Variants in RBFOX1 observed in about 807,000 individuals in gnomAD.
RBFOX1 encodes RNA binding protein fox-1 homolog 1.
Under a neutral mutation model 57.7 loss-of-function variants are expected in RBFOX1, and 8 were observed. The ratio of observed to expected loss-of-function variants is 0.14; its 90% CI spans 0.08 to 0.25. The LOEUF (loss-of-function observed/expected upper bound fraction) is 0.25, where lower values mean the gene tolerates loss of function less well. RBFOX1 is among the 10% of genes least tolerant of loss of function. The pLI, the probability that RBFOX1 is intolerant of heterozygous loss-of-function variation, is 1.00. For missense variants in RBFOX1, 611 were observed against 548.5 expected (o/e 1.11, Z -1.14); for synonymous variants, 326 against 222.4 (o/e 1.47, Z -4.15).
intron 4 of RBFOX1, among the ~76,000 whole-genome samples, chr16:7,123,817 A>G (rs139951843): frequency 1.0e-3 from 154 of 152,330 alleles, no homozygotes; most frequent in African/African-American, 3.5e-3. Context: ...AGAATTTGCA[A>G]TATAAGAAGA....
chr16:5,856,348 T>C (rs1328146141), intron 3 of RBFOX1, among the ~76,000 whole-genome samples: 24 of 136,418 alleles, frequency 1.8e-4, no homozygotes, highest in Non-Finnish European at 1.6e-5. Flanking sequence ...TATATATATA[T>C]ATATAATGTT....
intron 1 of RBFOX1, among the ~76,000 whole-genome samples, chr16:5,343,341 A>C (rs572778764): frequency 8.7e-5 from 12 of 137,554 alleles, no homozygotes; most frequent in Non-Finnish European, 1.7e-4. Context: ...TTGAGATGGA[A>C]TCTTACTCCA....
chr16:6,661,806 A>T (rs1326951681), intron 3 of RBFOX1, among the ~76,000 whole-genome samples: 2 of 152,344 alleles, frequency 1.3e-5, no homozygotes, highest in South Asian at 2.1e-4. Flanking sequence ...ATGTTGATTT[A>T]GCGGCGGGAT....
intron 1 of RBFOX1, chr16:5,270,826 A>G: frequency 2.3e-6 from 1 of 437,342 alleles, no homozygotes; most frequent in Non-Finnish European, 4.4e-6. Flanking sequence ...ATGCTGGAGA[A>G]CCCTTGGTTT....
At chr16:6,643,098 A>G (rs1025972184) in intron 2 of RBFOX1, among the ~76,000 whole-genome samples, 4 of 152,200 alleles carry the variant, frequency 2.6e-5, no homozygotes, top group Non-Finnish European at 5.9e-5. Context: ...TCCTCAAATG[A>G]TCACATTCCT....
At chr16:6,897,984 C>G (rs898241465) in intron 3 of RBFOX1, among the ~76,000 whole-genome samples, 4 of 152,110 alleles carry the variant, frequency 2.6e-5, no homozygotes, top group Admixed American at 6.5e-5. Flanking sequence ...AGGTCTGTAA[C>G]TCTGCTAAAC....
At chr16:6,124,834 C>G (rs1023944078) in intron 1 of RBFOX1, among the ~76,000 whole-genome samples, 11 of 152,104 alleles carry the variant, frequency 7.2e-5, no homozygotes, top group African/African-American at 2.4e-4. Context: ...GGCGCCAATT[C>G]AATTTTTTAA....
At chr16:6,443,272 A>G (rs2094422465) in intron 2 of RBFOX1, among the ~76,000 whole-genome samples, 1 of 152,006 alleles carries the variant, frequency 6.6e-6, no homozygotes, top group Admixed American at 6.6e-5. Context: ...TTCCTGTAGG[A>G]TTCCTGCGTG....
At chr16:5,383,984 A>G (rs1293388117) in intron 1 of RBFOX1, among the ~76,000 whole-genome samples, 1 of 152,276 alleles carries the variant, frequency 6.6e-6, no homozygotes, top group Admixed American at 6.5e-5. Context: ...TGCTGGCTTC[A>G]CTATCAGGAA....
intron 4 of RBFOX1, among the ~76,000 whole-genome samples, chr16:7,142,997 G>GGGTGGTTGAGAGTGCTTTA (rs2074171627): frequency 6.6e-6 from 1 of 151,610 alleles, no homozygotes; most frequent in Non-Finnish European, 1.5e-5. Context: ...AATTGGGACT[G>GGGTGGTTGAGAGTGCTTTA]GGTGGTTGAG....
Position 7,141,117 on chromosome 16 carries a change from A to G in RBFOX1, c.27+89019A>G, listed in dbSNP as rs200160897. On this transcript the variant is annotated intron_variant, in intron 4 of 15. Transcript: ENST00000550418. The stretch of plus-strand genomic sequence containing the variant: ...TCTGAACCATGAGTCATCTTGTGCA[A>G]AGTGGCTCTGGCTTTATCAGGATGA... Among the ~76,000 whole-genome samples, 6 of 152,268 alleles carry G rather than the reference A, an allele frequency of 3.9e-5. No homozygotes were observed. In the East Asian group the frequency reaches 1.2e-3, roughly 29 times the overall value.
intron 4 of RBFOX1, among the ~76,000 whole-genome samples, chr16:7,399,378 C>G (rs2098198671): frequency 6.6e-6 from 1 of 152,092 alleles, no homozygotes; most frequent in Non-Finnish European, 1.5e-5. Flanking sequence ...ACCTGGGAGG[C>G]AGAGGTTGCA....
intron 2 of RBFOX1, among the ~76,000 whole-genome samples, chr16:6,578,575 G>A (rs1223598511): frequency 2.6e-5 from 4 of 151,336 alleles, no homozygotes; most frequent in South Asian, 2.1e-4. Context: ...TGGGGATGTC[G>A]GCTATGGGTA....
intron 2 of RBFOX1, among the ~76,000 whole-genome samples, chr16:6,599,122 C>T (rs79994275): frequency 1.9e-4 from 29 of 152,268 alleles, no homozygotes; most frequent in Middle Eastern, 6.8e-3. Context: ...TCACCTGATA[C>T]GGTCATTTGG....
intron 3 of RBFOX1, among the ~76,000 whole-genome samples, chr16:6,765,933 G>C (rs149228458): frequency 4.4e-4 from 67 of 152,224 alleles, no homozygotes; most frequent in African/African-American, 1.6e-3. Flanking sequence ...TAAGGTATGA[G>C]GATGCAAAGG....
At chr16:5,322,138 A>G (rs975278621) in intron 1 of RBFOX1, among the ~76,000 whole-genome samples, 2 of 152,192 alleles carry the variant, frequency 1.3e-5, no homozygotes, top group East Asian at 1.9e-4. Flanking sequence ...TCTGAGTCAT[A>G]TTTTCCAGGT....
At chr16:6,015,570 C>A (rs2094988474), upstream of RBFOX1, among the ~76,000 whole-genome samples, 1 of 152,222 alleles carries the variant, frequency 6.6e-6, no homozygotes, top group Non-Finnish European at 1.5e-5. Flanking sequence ...GGCTCTTTCA[C>A]CATTGTCCAG....
chr16:6,279,359 C>G (rs1477115306), intron 1 of RBFOX1, among the ~76,000 whole-genome samples: 2 of 152,154 alleles, frequency 1.3e-5, no homozygotes, highest in Non-Finnish European at 2.9e-5. Flanking sequence ...GGTGAAAACC[C>G]TTTCTGCCTT....
rs568542605 is a variant in RBFOX1 at position 6,899,091 on chromosome 16, A to G, written c.-15-152966A>G. Among the ~76,000 whole-genome samples the G allele has an allele frequency of 7.7e-3, 1,171 of 151,184 alleles. 21 individuals are homozygous for G. Among genetic ancestry groups the G allele is most frequent in the African/African-American group, 0.027 (1,095 of 41,086 alleles). ...TATTACACACATGTACACGTGTATA[A>G]TGTGTGTACATCTGTGTATACGTGT... On this transcript the variant is annotated intron_variant, in intron 3 of 15. Coordinates refer to ENST00000550418, the MANE Select transcript of RBFOX1 (RefSeq NM_018723.4).
Sources: gnomAD v4.1 joint callset for allele counts (sites outside exome capture counted in the v4.1 genomes callset) on GRCh38, gnomAD v4.1.1 for gene constraint, MANE v1.5 for transcripts, NCBI Gene and HGNC (gene_info 2026-07-23, HGNC 2026-07-21) for gene names.